GALNT13: variants seen among roughly 807,000 people sequenced by gnomAD.
The protein encoded by GALNT13 is UDP-GalNAc:polypeptide N-acetylgalactosaminyltransferase 13.
Under a neutral mutation model 64.2 loss-of-function variants are expected in GALNT13, and 28 were observed. The observed-to-expected ratio is 0.44, with a 90% CI of 0.32 to 0.60. The LOEUF (loss-of-function observed/expected upper bound fraction) is 0.60. Among genes scored for constraint, GALNT13 ranks in the 20% least tolerant of loss-of-function variants. The pLI is 0.05. For missense variants in GALNT13, 577 were observed against 669.8 expected (o/e 0.86, Z 1.53); for synonymous variants, 214 against 224.6 (o/e 0.95, Z 0.42).
the GALNT13 span, among the ~76,000 whole-genome samples, chr2:153,495,717 T>C: frequency 2.6e-5 from 4 of 152,164 alleles, no homozygotes; most frequent in Non-Finnish European, 5.9e-5. Flanking sequence ...TAATCTATCA[T>C]ATCAAAACAC....
chr2:153,174,812 A>G, the GALNT13 span, among the ~76,000 whole-genome samples: 3 of 152,080 alleles, frequency 2.0e-5, no homozygotes, highest in Non-Finnish European at 4.4e-5. Flanking sequence ...TTTAATATTT[A>G]TGTTTCTTCC....
chr2:154,420,056 C>T (rs1487085450), intron 11 of GALNT13, among the ~76,000 whole-genome samples: 1 of 152,008 alleles, frequency 6.6e-6, no homozygotes, highest in African/African-American at 2.4e-5. Flanking sequence ...AAAAACTCCC[C>T]TTAAAGTGAA....
intron 9 of GALNT13, among the ~76,000 whole-genome samples, chr2:154,328,432 G>T (rs897158283): frequency 2.6e-5 from 4 of 152,016 alleles, no homozygotes; most frequent in African/African-American, 9.7e-5. Context: ...TTTCCCTGCT[G>T]CCAATTATGG....
the GALNT13 span, among the ~76,000 whole-genome samples, chr2:153,376,258 TG>T: frequency 6.6e-6 from 1 of 152,132 alleles, no homozygotes; most frequent in Non-Finnish European, 1.5e-5. Context: ...GATATGATAA[TG>T]GTTAGAAGGA....
At chr2:153,397,342 A>G in the GALNT13 span, among the ~76,000 whole-genome samples, 1 of 152,056 alleles carries the variant, frequency 6.6e-6, no homozygotes, top group South Asian at 2.1e-4. Context: ...TATTTTACTG[A>G]TGATAATGTG....
chr2:154,074,597 A>G (rs1474560973), intron 3 of GALNT13, among the ~76,000 whole-genome samples: 2 of 151,910 alleles, frequency 1.3e-5, no homozygotes, highest in Non-Finnish European at 2.9e-5. Flanking sequence ...TGAGGCCAGC[A>G]TTCTCTTGAT....
chr2:153,140,276 C>A, the GALNT13 span, among the ~76,000 whole-genome samples: 4 of 151,992 alleles, frequency 2.6e-5, no homozygotes, highest in Non-Finnish European at 5.9e-5. Context: ...CCCACGAGAA[C>A]CCGATAAGTT....
At chr2:154,347,153 CTAT>C (rs1417608760) in intron 9 of GALNT13, among the ~76,000 whole-genome samples, 3 of 152,056 alleles carry the variant, frequency 2.0e-5, no homozygotes, top group South Asian at 2.1e-4. Context: ...GTAATTAATG[CTAT>C]TATTTAATTT....
chr2:154,089,136 C>T (rs1449237433), intron 3 of GALNT13, among the ~76,000 whole-genome samples: 1 of 152,050 alleles, frequency 6.6e-6, no homozygotes, highest in African/African-American at 2.4e-5. Flanking sequence ...TAACCTTCCC[C>T]ACACTTTATT....
the GALNT13 span, among the ~76,000 whole-genome samples, chr2:153,579,630 C>T: frequency 5.3e-5 from 8 of 152,072 alleles, no homozygotes; most frequent in Non-Finnish European, 7.4e-5. Flanking sequence ...CAGCAGCGGT[C>T]CCCAACCCCT....
chr2:153,672,783 TG>T, the GALNT13 span, among the ~76,000 whole-genome samples: 1 of 145,588 alleles, frequency 6.9e-6, no homozygotes, highest in Admixed American at 6.8e-5. Flanking sequence ...TTTTTTTTTT[TG>T]AAAAGATGAA....
At chr2:153,947,855 C>T (rs1401906001) in intron 3 of GALNT13, among the ~76,000 whole-genome samples, 2 of 151,780 alleles carry the variant, frequency 1.3e-5, no homozygotes, top group Admixed American at 6.6e-5. Flanking sequence ...AGTTAATTTT[C>T]CATATAGTAT....
the GALNT13 span, among the ~76,000 whole-genome samples, chr2:153,550,683 C>T: frequency 1.3e-5 from 2 of 152,166 alleles, no homozygotes; most frequent in Non-Finnish European, 2.9e-5. Flanking sequence ...ATTTTACATC[C>T]AGACTAATCC....
chr2:154,230,997 A>G (rs1306834676), intron 4 of GALNT13, among the ~76,000 whole-genome samples: 1 of 152,130 alleles, frequency 6.6e-6, no homozygotes, highest in Non-Finnish European at 1.5e-5. Flanking sequence ...GCAAGATTGT[A>G]GTGAAACCTG....
chr2:154,374,038 A>G (rs1039791108), intron 9 of GALNT13, among the ~76,000 whole-genome samples: 1 of 152,176 alleles, frequency 6.6e-6, no homozygotes, highest in African/African-American at 2.4e-5. Flanking sequence ...ACAGTTCACC[A>G]GTTATAACAT....
At chr2:153,358,460 C>T in the GALNT13 span, among the ~76,000 whole-genome samples, 1 of 152,082 alleles carries the variant, frequency 6.6e-6, no homozygotes, top group East Asian at 1.9e-4. Flanking sequence ...AGGTTACCTC[C>T]CAGATAATTG....
the GALNT13 span, among the ~76,000 whole-genome samples, chr2:153,580,358 A>G: frequency 4.9e-4 from 75 of 152,094 alleles, no homozygotes; most frequent in African/African-American, 1.7e-3. Flanking sequence ...AAAAAAAAAA[A>G]GTGATGCTAA....
chr2:154,271,293 A>G (rs1237211375), intron 8 of GALNT13, among the ~76,000 whole-genome samples: 2 of 152,006 alleles, frequency 1.3e-5, no homozygotes, highest in Non-Finnish European at 2.9e-5. Context: ...ATAATTGGCC[A>G]TTACTGGCTG....
chr2:153,498,082 C>A, the GALNT13 span, among the ~76,000 whole-genome samples: 1 of 152,122 alleles, frequency 6.6e-6, no homozygotes, highest in African/African-American at 2.4e-5. Flanking sequence ...ACTGATCTTG[C>A]CTATAAGGAG....
Sources: allele counts gnomAD v4.1 joint callset (sites outside exome capture counted in the v4.1 genomes callset), GRCh38; gene constraint gnomAD v4.1.1; transcripts MANE v1.5; gene names NCBI Gene and HGNC (gene_info 2026-07-23, HGNC 2026-07-21).